The following ALDH6A1 variants were observed in gnomAD, a reference collection of about 807,000 sequenced individuals.
ALDH6A1 encodes the protein methylmalonate-semialdehyde/malonate-semialdehyde dehydrogenase [acylating], mitochondrial.
In ALDH6A1, 43 loss-of-function variants were observed where a neutral mutation model predicts 62.6. The ratio of observed to expected loss-of-function variants is 0.69; its 90% CI spans 0.54 to 0.89. The LOEUF (loss-of-function observed/expected upper bound fraction) is 0.89, where lower values mean the gene tolerates loss of function less well. ALDH6A1 is among the 40% of genes least tolerant of loss of function. The pLI is 0.00. For synonymous variants in ALDH6A1, 194 were observed against 234.2 expected, an observed-to-expected ratio of 0.83 and a Z score of 1.57; for missense variants, 551 against 661.3, an observed-to-expected ratio of 0.83 and a Z score of 1.83.
chr14:74,070,060 C>G (rs1006187013), intron 6 of ALDH6A1, among the ~76,000 whole-genome samples: 1 of 151,788 alleles, frequency 6.6e-6, no homozygotes, highest in African/African-American at 2.4e-5. Context: ...AGGCTGGTCT[C>G]GAACTCCTGG....
intron 2 of ALDH6A1, among the ~76,000 whole-genome samples, chr14:74,074,302 T>G (rs2060587214): frequency 6.7e-6 from 1 of 150,194 alleles, no homozygotes; most frequent in Non-Finnish European, 1.5e-5. Flanking sequence ...TTTTTTTTTT[T>G]TTTGAAACGG....
chr14:74,073,614 C>T (rs2060578056), intron 2 of ALDH6A1, among the ~76,000 whole-genome samples: 1 of 152,072 alleles, frequency 6.6e-6, no homozygotes, highest in Admixed American at 6.6e-5. Flanking sequence ...GCATGTATTA[C>T]CTTTATGATC....
chr14:74,065,387 G>T, intron 9 of ALDH6A1, 27 bp from the exon 10 acceptor site: 1 of 1,610,440 alleles, frequency 6.2e-7, no homozygotes, highest in Non-Finnish European at 8.5e-7. Context: ...ATCCAGAAAA[G>T]AAGTCAGCTT....
At chr14:74,073,135 C>T (rs530438750) in intron 2 of ALDH6A1, among the ~76,000 whole-genome samples, 1 of 151,762 alleles carries the variant, frequency 6.6e-6, no homozygotes, top group African/African-American at 2.4e-5. Flanking sequence ...GAGACATGGT[C>T]TCACTCTGTT....
intron 1 of ALDH6A1, 100 bp from the exon 2 acceptor site, chr14:74,075,117 G>C (rs2060597628): frequency 9.4e-7 from 1 of 1,060,902 alleles, no homozygotes. Context: ...GTATATAGGG[G>C]GTATGTTTCT....
At chr14:74,064,556 TCA>T in intron 11 of ALDH6A1, 1 of 801,598 alleles carries the variant, frequency 1.2e-6, no homozygotes, top group Non-Finnish European at 2.2e-6. Context: ...GGGAAGAGGG[TCA>T]CACACTCAGG....
intron 1 of ALDH6A1, 89 bp from the exon 2 acceptor site, chr14:74,075,106 A>G (rs1485532858): frequency 5.1e-6 from 6 of 1,182,854 alleles, no homozygotes; most frequent in Non-Finnish European, 7.4e-6. Flanking sequence ...TATTTGCTAT[A>G]GTATATAGGG....
Position 74,065,256 on chromosome 14 carries a change from A to G in ALDH6A1, c.1329T>C (p.Tyr443=). The stretch of plus-strand genomic sequence containing the variant: ...TGGTGAAGATGGCAGTTCCATTTCC[A>G]TATGGGTTGTTATTTACAATCTGGA... ...EAIQIVNNNP[Y]GNGTAIFTTN... is the part of the protein sequence containing the mutation. The change falls in exon 10 of 12, where the codon TAT becomes TAC. Residue 443 remains tyrosine (Y), a synonymous_variant. Coordinates refer to ENST00000553458, the MANE Select transcript of ALDH6A1 (RefSeq NM_005589.4). 4 of 1,614,158 alleles carry G rather than the reference A, an allele frequency of 2.5e-6. No individual in the cohort carries two copies. Among genetic ancestry groups the G allele is most frequent in the Non-Finnish European group, 3.4e-6 (4 of 1,180,012 alleles).
intron 7 of ALDH6A1, among the ~76,000 whole-genome samples, chr14:74,068,343 C>T (rs1383324708): frequency 6.6e-6 from 1 of 151,402 alleles, no homozygotes; most frequent in African/African-American, 2.4e-5. Context: ...GGCACCACTG[C>T]ACTCTAGCCT....
chr14:74,075,754 G>T (rs2060606320), intron 1 of ALDH6A1, among the ~76,000 whole-genome samples: 1 of 152,012 alleles, frequency 6.6e-6, no homozygotes, highest in South Asian at 2.1e-4. Flanking sequence ...TTAAAATTAT[G>T]TCCATATAGG....
chr14:74,057,780 C>A lies in ALDH6A1; in HGVS notation c.*2862G>T. ...AAAAAGAAAATACTGACTTTTTAGC[C>A]GCGATCACATGAATATAACTGATGA... On this transcript the variant is annotated 3_prime_UTR_variant, in exon 12 of 12. Coordinates refer to ENST00000553458, the MANE Select transcript of ALDH6A1 (RefSeq NM_005589.4). 9.2e-7 allele frequency: 1 copy of A among 1,083,822 alleles called. No homozygotes were observed. Among genetic ancestry groups the A allele is most frequent in the South Asian group, 2.5e-5 (1 of 39,374 alleles). The allele number at this position is 1,083,822 out of a possible 1,614,324, so 67.1% of individuals were successfully genotyped here.
chr14:74,079,348 G>C (rs926464218), intron 1 of ALDH6A1, among the ~76,000 whole-genome samples: 2 of 151,836 alleles, frequency 1.3e-5, no homozygotes, highest in African/African-American at 4.8e-5. Context: ...CCGGGTTCAG[G>C]CGATTCTCCT....
intron 2 of ALDH6A1, 110 bp downstream of exon 2, chr14:74,074,845 C>T: frequency 8.6e-7 from 1 of 1,158,432 alleles, no homozygotes; most frequent in Non-Finnish European, 1.3e-6. Context: ...GAGGAAAAAA[C>T]TAGAAAGTTT....
intron 7 of ALDH6A1, among the ~76,000 whole-genome samples, chr14:74,068,408 AC>A (rs2060502549): frequency 6.6e-6 from 1 of 151,062 alleles, no homozygotes; most frequent in Non-Finnish European, 1.5e-5. Flanking sequence ...GATTAACGTG[AC>A]TTAGAATGAA....
In ALDH6A1 at chr14:74,060,043, G is replaced by A. The variant is rs113031892; in HGVS notation, c.*599C>T. ...AGGAGGTCTCTCCCAGTGGCATTTA[G>A]GTAGCGCTATGTTTGAGGATCAACC... On this transcript the variant is annotated 3_prime_UTR_variant, in exon 12 of 12. Transcript: ENST00000553458. The A allele has an allele frequency of 1.9e-5, 3 of 155,612 alleles. No individual in the cohort carries two copies. The highest frequency in any genetic ancestry group is 4.3e-5 in the Non-Finnish European group (3 of 70,278). 9.6% of individuals were successfully genotyped at this position (155,612 alleles called of 1,614,324 possible).
Position 74,068,985 on chromosome 14 carries a change from T to C in ALDH6A1, c.731-4A>G. The C allele has an allele frequency of 6.2e-7, 1 of 1,613,568 alleles. No individual in the cohort carries two copies. The highest frequency in any genetic ancestry group is 8.5e-7 in the Non-Finnish European group (1 of 1,179,834). On this transcript the variant is annotated splice_polypyrimidine_tract_variant and splice_region_variant and intron_variant, in intron 6 of 11. Coordinates refer to ENST00000553458, the MANE Select transcript of ALDH6A1 (RefSeq NM_005589.4). ...TGATCGCAAATAAAATTTACAGCTT[T>C]AAGAAGAAAATAAATGATCACTCAC... is the stretch of plus-strand genomic sequence containing the variant.
At chr14:74,079,820 T>C (rs1303074854) in intron 1 of ALDH6A1, among the ~76,000 whole-genome samples, 5 of 152,130 alleles carry the variant, frequency 3.3e-5, no homozygotes. Context: ...CTGCCCACCT[T>C]GGCCTCCCAA....
In ALDH6A1 at chr14:74,083,476, C is replaced by T. The variant is rs77379940; in HGVS notation, c.48+871G>A. Among the ~76,000 whole-genome samples the T allele has an allele frequency of 8.2e-3, 1,244 of 152,104 alleles. 21 individuals are homozygous for T. The highest frequency in any genetic ancestry group is 0.029 in the African/African-American group (1,209 of 41,446). Reference sequence around the variant, plus strand: ...GTTGGCTTCAGAGAGGACTCAATCCCCCAAGTGCAGAGATGAGGGTGTGTA... The same window carrying T: ...GTTGGCTTCAGAGAGGACTCAATCCTCCAAGTGCAGAGATGAGGGTGTGTA... On this transcript the variant is annotated intron_variant, in intron 1 of 11. Coordinates refer to ENST00000553458, the MANE Select transcript of ALDH6A1 (RefSeq NM_005589.4).
intron 1 of ALDH6A1, among the ~76,000 whole-genome samples, chr14:74,083,100 C>T (rs1566839221): frequency 6.6e-6 from 1 of 152,134 alleles, no homozygotes; most frequent in Non-Finnish European, 1.5e-5. Context: ...TCTGCCAAAC[C>T]CTTCAAACTC....
Sources: gnomAD v4.1 joint callset for allele counts (sites outside exome capture counted in the v4.1 genomes callset) on GRCh38, gnomAD v4.1.1 for gene constraint, MANE v1.5 for transcripts, NCBI Gene and HGNC (gene_info 2026-07-23, HGNC 2026-07-21) for gene names.